CDH7: variants seen among roughly 807,000 people sequenced by gnomAD.
CDH7 encodes cadherin 7, also known as cadherin-7.
In CDH7, 25 loss-of-function variants were observed where a neutral mutation model predicts 71.8. That is an observed-to-expected ratio of 0.35 (90% CI 0.25 to 0.49). CDH7 has a LOEUF of 0.49. Ranked by LOEUF, CDH7 falls within the 20% of genes least tolerant of loss-of-function variation. The pLI is 0.99. For synonymous variants in CDH7, 381 were observed against 363.8 expected (o/e 1.05, Z -0.54); for missense variants, 862 against 974.6 (o/e 0.88, Z 1.54).
At chr18:65,845,280 G>A (rs956534195) in intron 7 of CDH7, among the ~76,000 whole-genome samples, 3 of 149,948 alleles carry the variant, frequency 2.0e-5, no homozygotes, top group African/African-American at 7.6e-5. Flanking sequence ...TATTTAAAAA[G>A]TGAAATCATA....
chr18:65,759,147 G>A (rs1916114328), intron 1 of CDH7, among the ~76,000 whole-genome samples: 1 of 151,980 alleles, frequency 6.6e-6, no homozygotes, highest in Non-Finnish European at 1.5e-5. Context: ...ACATTAAACA[G>A]CTCTTCTTAA....
chr18:65,826,602 T>G lies in CDH7; in HGVS notation c.981+1771T>G, dbSNP rs189195147. On this transcript the variant is annotated intron_variant, in intron 6 of 11. Transcript: ENST00000397968. The stretch of plus-strand genomic sequence containing the variant: ...ATTGTATTTATACAGAATAACAGAT[T>G]ATAAGAAAAATGTTAAAAATGTTAA... Among the ~76,000 whole-genome samples, 3 of 33,252 alleles carry G rather than the reference T, an allele frequency of 9.0e-5. No individual in the cohort carries two copies. In the East Asian group the frequency reaches 3.4e-3, roughly 38 times the overall value. 21.8% of individuals were successfully genotyped at this position (33,252 alleles called of 152,430 possible). A position where few individuals can be genotyped will look rare whatever the true frequency, so the allele number is the denominator to read the frequency against.
Position 65,885,372 on chromosome 18 carries a change from G to GTGTTTTTTTTTTTTTTT in CDH7, c.*4479_*4480insGTTTTTTTTTTTTTTTT, listed in dbSNP as rs1914342122. The GTGTTTTTTTTTTTTTTT allele has an allele frequency of 7.2e-5, 5 of 69,446 alleles. No individual in the cohort carries two copies. Among genetic ancestry groups the GTGTTTTTTTTTTTTTTT allele is most frequent in the South Asian group, 5.6e-4 (1 of 1,788 alleles). 4.3% of individuals were successfully genotyped at this position (69,446 alleles called of 1,614,324 possible). A position where few individuals can be genotyped will look rare whatever the true frequency, so the allele number is the denominator to read the frequency against. On this transcript the variant is annotated 3_prime_UTR_variant, in exon 12 of 12. Coordinates refer to ENST00000397968, the MANE Select transcript of CDH7 (RefSeq NM_004361.5). ...GTAACTGAAAAGGATGTGTGCCTGT[G>GTGTTTTTTTTTTTTTTT]TTTTTTTTTTTTTTTTTTTTTTTGA...
chr18:65,781,874 C>G (rs1222258393), intron 2 of CDH7, among the ~76,000 whole-genome samples: 1 of 113,334 alleles, frequency 8.8e-6, no homozygotes, highest in African/African-American at 4.0e-5. Flanking sequence ...TTCTCTCTCT[C>G]TCTCTGTCTC....
intron 7 of CDH7, among the ~76,000 whole-genome samples, chr18:65,853,845 A>C (rs905013967): frequency 1.9e-4 from 28 of 147,022 alleles, no homozygotes; most frequent in African/African-American, 6.2e-4. Context: ...CTCAAGAGTA[A>C]TTGCCAAATG....
chr18:65,828,466 A>G (rs565908759), intron 6 of CDH7, among the ~76,000 whole-genome samples: 3 of 152,292 alleles, frequency 2.0e-5, no homozygotes, highest in Admixed American at 2.0e-4. Flanking sequence ...ATACTCACAG[A>G]TGACTTATGT....
In CDH7 at chr18:65,880,844, A is replaced by G; in HGVS notation, c.2308A>G (p.Lys770Glu). The G allele has an allele frequency of 6.2e-7, 1 of 1,614,126 alleles. No individual in the cohort carries two copies. The highest frequency in any genetic ancestry group is 8.5e-7 in the Non-Finnish European group (1 of 1,180,018). Residue 770 changes from lysine to glutamate, a missense_variant, in exon 12 of 12, where the codon AAA becomes GAA. Physicochemically the swap from Lys to Glu is moderately conservative, Grantham distance 56. Coordinates refer to ENST00000397968, the MANE Select transcript of CDH7 (RefSeq NM_004361.5). ...CCTAAGTGACTGGGGACCTCGCTTT[A>G]AACGACTCGCGGACATGTATGGGAC... is the stretch of plus-strand genomic sequence containing the variant. Reference protein sequence around the residue: ...DYLSDWGPRFKRLADMYGTGQ... With the variant: ...DYLSDWGPRFERLADMYGTGQ...
intron 7 of CDH7, among the ~76,000 whole-genome samples, chr18:65,856,044 C>G (rs190374527): frequency 2.9e-4 from 44 of 152,122 alleles, no homozygotes; most frequent in Admixed American, 2.5e-3. Context: ...TAAGGACACT[C>G]AGGCAGTGTT....
intron 11 of CDH7, among the ~76,000 whole-genome samples, chr18:65,872,467 T>G (rs146172208): frequency 6.6e-6 from 1 of 152,286 alleles, no homozygotes; most frequent in Non-Finnish European, 1.5e-5. Context: ...TTTTGAGCTC[T>G]GATGGAATAG....
chr18:65,799,138 A>G (rs1301837785), intron 2 of CDH7, among the ~76,000 whole-genome samples: 2 of 152,136 alleles, frequency 1.3e-5, no homozygotes, highest in African/African-American at 2.4e-5. Context: ...GAGAACATCA[A>G]GAGACACTCT....
chr18:65,804,098 A>G (rs1911225494), intron 2 of CDH7, among the ~76,000 whole-genome samples: 1 of 152,186 alleles, frequency 6.6e-6, no homozygotes, highest in Non-Finnish European at 1.5e-5. Flanking sequence ...TAAAGCTTTC[A>G]CAATACATAT....
intron 11 of CDH7, among the ~76,000 whole-genome samples, chr18:65,867,890 A>G (rs1467559317): frequency 6.6e-6 from 1 of 152,238 alleles, no homozygotes; most frequent in Non-Finnish European, 1.5e-5. Context: ...CAGTATGTCT[A>G]TGATGGTCAG....
chr18:65,786,582 T>C (rs1910520531), intron 2 of CDH7, among the ~76,000 whole-genome samples: 1 of 152,200 alleles, frequency 6.6e-6, no homozygotes, highest in Admixed American at 6.5e-5. Context: ...CAGCCCTTGT[T>C]TAAAATGATG....
rs200040319 is a variant in CDH7, at chr18:65,809,995, G to T, written c.502G>T (p.Val168Leu). The T allele has an allele frequency of 1.6e-5, 25 of 1,608,798 alleles. No individual in the cohort carries two copies. The highest frequency in any genetic ancestry group is 2.0e-5 in the Non-Finnish European group (23 of 1,175,758). The change falls in exon 3 of 12, where the codon GTG (valine) becomes TTG (leucine). Residue 168 changes from valine (V) to leucine (L), a missense_variant. By Grantham distance (32) the Val-to-Leu change is conservative. Coordinates refer to ENST00000397968, the MANE Select transcript of CDH7 (RefSeq NM_004361.5). ...YTAGVPEMSP[V>L]GTSVVQVTAT... The stretch of plus-strand genomic sequence containing the variant: ...GGCAGGAGTTCCCGAAATGTCTCCC[G>T]TGGGTAAGTAAAGAACACTCTGCTT...
intron 2 of CDH7, among the ~76,000 whole-genome samples, chr18:65,802,890 C>T (rs1397867335): frequency 1.3e-5 from 2 of 152,008 alleles, no homozygotes; most frequent in African/African-American, 4.8e-5. Flanking sequence ...AAATCTGTGT[C>T]GGTGAACATG....
intron 2 of CDH7, among the ~76,000 whole-genome samples, chr18:65,793,283 A>G (rs530691934): frequency 6.6e-6 from 1 of 152,010 alleles, no homozygotes; most frequent in East Asian, 1.9e-4. Context: ...AAATATAAAA[A>G]TTGGCTGGTT....
intron 6 of CDH7, among the ~76,000 whole-genome samples, chr18:65,837,334 G>A (rs1388822118): frequency 2.0e-5 from 3 of 152,204 alleles, no homozygotes; most frequent in African/African-American, 7.2e-5. Flanking sequence ...TATGAGCTAG[G>A]ATGGAGGGTG....
chr18:65,768,472 G>A (rs889189567), intron 2 of CDH7, among the ~76,000 whole-genome samples: 3 of 152,122 alleles, frequency 2.0e-5, no homozygotes, highest in Non-Finnish European at 2.9e-5. Context: ...CTGACTTCAC[G>A]TGATCTGCCC....
chr18:65,861,371 T>C (rs987765253), intron 10 of CDH7, among the ~76,000 whole-genome samples: 1 of 142,736 alleles, frequency 7.0e-6, no homozygotes, highest in Non-Finnish European at 1.5e-5. Context: ...GATTTTGGTA[T>C]CAGTCATGTT....
Sources: gnomAD v4.1 joint callset for allele counts (sites outside exome capture counted in the v4.1 genomes callset) on GRCh38, gnomAD v4.1.1 for gene constraint, MANE v1.5 for transcripts, NCBI Gene and HGNC (gene_info 2026-07-23, HGNC 2026-07-21) for gene names.